The following VBP1 variants were observed in gnomAD, a reference collection of about 807,000 sequenced individuals.
VBP1 encodes the protein VHL binding protein 1.
In VBP1, 4 loss-of-function variants were observed where a neutral mutation model predicts 15.5. The observed-to-expected ratio is 0.26, with a 90% confidence interval of 0.13 to 0.59. The LOEUF is 0.59. Among genes scored for constraint, VBP1 ranks in the 20% least tolerant of loss-of-function variants. The pLI, the probability that VBP1 is intolerant of heterozygous loss-of-function variation, is 0.90. For synonymous variants in VBP1, 61 were observed against 52.1 expected (o/e 1.17, Z -0.74); for missense variants, 108 against 139.6 (o/e 0.77, Z 1.14).
At chrX:155,228,522 C>T in intron 4 of VBP1, 40 bp downstream of exon 4, 1 of 1,095,387 alleles carries the variant, frequency 9.1e-7, no homozygotes, top group Non-Finnish European at 1.2e-6. Context: ...TATTTGTAAA[C>T]CAGTGTGTTT....
chrX:155,223,491 GT>G (rs1195324761), intron 2 of VBP1, among the ~76,000 whole-genome samples: 1 of 110,808 alleles, frequency 9.0e-6, no homozygotes, highest in Non-Finnish European at 1.9e-5. Context: ...CACAGCACAT[GT>G]TTCAGAGAGC....
intron 2 of VBP1, among the ~76,000 whole-genome samples, chrX:155,226,775 A>G (rs1250247037): frequency 8.9e-6 from 1 of 112,033 alleles, no homozygotes; most frequent in Non-Finnish European, 1.9e-5. Flanking sequence ...TTTTGAATCC[A>G]TGTTATTTTT....
At chrX:155,225,639 TATA>T (rs1389502063) in intron 2 of VBP1, among the ~76,000 whole-genome samples, 5 of 112,314 alleles carry the variant, frequency 4.5e-5, no homozygotes, top group African/African-American at 9.7e-5. Context: ...GCATATTACA[TATA>T]ATATTTATAT....
Position 155,216,469 on chromosome X carries a change from C to T in VBP1, c.-14C>T. The T allele has an allele frequency of 8.6e-7, 1 of 1,165,531 alleles. No homozygotes were observed. The highest frequency in any genetic ancestry group is 3.3e-5 in the East Asian group (1 of 30,726). On this transcript the variant is annotated 5_prime_UTR_variant, in exon 1 of 6. Coordinates refer to ENST00000286428, the MANE Select transcript of VBP1 (RefSeq NM_003372.7). ...CGGCGGCCCGGGAGGCAGTCGCGCG[C>T]TCGCATCCCCAAGATGGCGGCCGTT...
intron 4 of VBP1, among the ~76,000 whole-genome samples, chrX:155,230,128 A>C (rs1167018539): frequency 1.8e-5 from 2 of 111,559 alleles, no homozygotes; most frequent in African/African-American, 6.5e-5. Context: ...ATCAGGGTCG[A>C]TTCCTTCTGA....
intron 2 of VBP1, among the ~76,000 whole-genome samples, chrX:155,210,660 A>G (rs1241346698): frequency 8.9e-6 from 1 of 111,852 alleles, no homozygotes; most frequent in African/African-American, 3.3e-5. Context: ...TCCCCTGAAG[A>G]CTGCCATGGA....
At chrX:155,208,965 C>A (rs782673443) in exon 2 of VBP1, 9 of 1,154,962 alleles carry the variant, frequency 7.8e-6, no homozygotes, top group Non-Finnish European at 1.0e-5. Flanking sequence ...CCTTCCACTC[C>A]ATCCCCAGAG....
At chrX:155,208,285 G>A (rs894712527) in intron 1 of VBP1, among the ~76,000 whole-genome samples, 1 of 112,093 alleles carries the variant, frequency 8.9e-6, no homozygotes, top group Admixed American at 9.5e-5. Flanking sequence ...AGCTCATAAA[G>A]TAACTAGAAG....
At chrX:155,222,602 A>G (rs900529987) in intron 2 of VBP1, among the ~76,000 whole-genome samples, 2 of 112,174 alleles carry the variant, frequency 1.8e-5, no homozygotes, top group Non-Finnish European at 3.8e-5. Flanking sequence ...AACAAAAAAA[A>G]GAAAAAAGTT....
At chrX:155,200,805 G>A (rs1231946011) in intron 1 of VBP1, among the ~76,000 whole-genome samples, 2 of 109,908 alleles carry the variant, frequency 1.8e-5, no homozygotes, top group Non-Finnish European at 3.8e-5. Context: ...CCTTCAAAAA[G>A]TTAATGAATC....
chrX:155,221,536 A>G (rs781945330), intron 2 of VBP1, among the ~76,000 whole-genome samples: 1 of 111,786 alleles, frequency 8.9e-6, no homozygotes, highest in South Asian at 3.7e-4. Context: ...CTAGGGACAC[A>G]GTTTGGTGGA....
intron 2 of VBP1, 138 bp downstream of exon 2, chrX:155,220,445 C>A (rs782713980): frequency 6.4e-6 from 3 of 466,060 alleles, no homozygotes; most frequent in Non-Finnish European, 9.7e-6. Context: ...TATGAAATTC[C>A]CACCAGCAAC....
upstream of VBP1, among the ~76,000 whole-genome samples, chrX:155,214,768 CTTT>C (rs782556765): frequency 1.2e-5 from 1 of 83,074 alleles, no homozygotes; most frequent in Non-Finnish European, 2.2e-5. Context: ...TTTTCTTTTC[CTTT>C]TTTTTTTTGC....
intron 3 of VBP1, among the ~76,000 whole-genome samples, chrX:155,227,780 A>C (rs1216944506): frequency 8.9e-6 from 1 of 112,246 alleles, no homozygotes; most frequent in African/African-American, 3.2e-5. Flanking sequence ...GTAGTTAGTT[A>C]CTGGCAGAAC....
At chrX:155,228,536 G>A (rs1490620707) in intron 4 of VBP1, 54 bp downstream of exon 4, 7 of 990,907 alleles carry the variant, frequency 7.1e-6, no homozygotes, top group Non-Finnish European at 9.9e-6. Flanking sequence ...TGTGTTTTCT[G>A]TAGCAAACAC....
intron 1 of VBP1, among the ~76,000 whole-genome samples, chrX:155,204,159 CA>C (rs2074617965): frequency 9.0e-6 from 1 of 110,821 alleles, no homozygotes; most frequent in East Asian, 2.8e-4. Context: ...GTTTTGAAAA[CA>C]TTTTTTTTTT....
intron 1 of VBP1, among the ~76,000 whole-genome samples, chrX:155,217,737 C>T (rs480210): frequency 0.5 from 55,037 of 110,811 alleles, 11,970 homozygotes; most frequent in East Asian, 0.71. Context: ...TTTTACAAAA[C>T]TCGAGGTGGT....
At chrX:155,237,651 T>G (rs2074780179) in intron 5 of VBP1, among the ~76,000 whole-genome samples, 1 of 111,708 alleles carries the variant, frequency 9.0e-6, no homozygotes, top group South Asian at 3.7e-4. Context: ...TGCCACACCC[T>G]TTGCATTTCT....
At chrX:155,202,042 C>A (rs1357334471) in intron 1 of VBP1, among the ~76,000 whole-genome samples, 5 of 111,240 alleles carry the variant, frequency 4.5e-5, no homozygotes, top group Non-Finnish European at 7.5e-5. Context: ...ACCTAGGAAT[C>A]CAACTTACAA....
Sources: allele counts gnomAD v4.1 joint callset (sites outside exome capture counted in the v4.1 genomes callset), GRCh38; gene constraint gnomAD v4.1.1; transcripts MANE v1.5; gene names NCBI Gene and HGNC (gene_info 2026-07-23, HGNC 2026-07-21).